ADCY9: variants seen among roughly 807,000 people sequenced by gnomAD.
ADCY9 encodes the protein adenylate cyclase 9.
A neutral mutation model predicts 101.5 loss-of-function variants in ADCY9; 50 were observed. The ratio of observed to expected loss-of-function variants is 0.49; its 90% CI spans 0.39 to 0.62. The LOEUF is 0.62. Among genes scored for constraint, ADCY9 ranks in the 20% least tolerant of loss-of-function variants. The pLI is 0.00. For synonymous variants in ADCY9, 905 were observed against 769.3 expected (o/e 1.18, Z -2.92); for missense variants, 1,662 against 1,800.4 (o/e 0.92, Z 1.39).
intron 2 of ADCY9, among the ~76,000 whole-genome samples, chr16:4,037,198 G>A (rs1393733080): frequency 6.6e-6 from 1 of 152,046 alleles, no homozygotes. Context: ...CATGCCTGTG[G>A]TCCCAACTAC....
chr16:4,047,300 G>C (rs1254135484), intron 2 of ADCY9, among the ~76,000 whole-genome samples: 1 of 150,040 alleles, frequency 6.7e-6, no homozygotes, highest in Admixed American at 6.6e-5. Context: ...AGAAAGAAAA[G>C]AGAGAAAGGA....
chr16:4,042,523 C>G (rs2056634501), intron 2 of ADCY9, among the ~76,000 whole-genome samples: 1 of 152,122 alleles, frequency 6.6e-6, no homozygotes, highest in South Asian at 2.1e-4. Flanking sequence ...CTAGCTAATT[C>G]TGTTAAAATA....
intron 2 of ADCY9, among the ~76,000 whole-genome samples, chr16:4,064,277 T>C (rs2056788334): frequency 6.6e-6 from 1 of 152,228 alleles, no homozygotes; most frequent in Admixed American, 6.5e-5. Context: ...GGTTCTTGGA[T>C]TGAAGGACTC....
chr16:4,102,784 C>T (rs1299843281), intron 2 of ADCY9, among the ~76,000 whole-genome samples: 1 of 151,692 alleles, frequency 6.6e-6, no homozygotes, highest in Non-Finnish European at 1.5e-5. Flanking sequence ...TGCAGTGGTG[C>T]CATCTCGGCT....
chr16:3,981,263 G>A (rs758631083), intron 7 of ADCY9, among the ~76,000 whole-genome samples: 2 of 152,210 alleles, frequency 1.3e-5, no homozygotes, highest in Non-Finnish European at 2.9e-5. Context: ...AGTCTACACC[G>A]GGGTTGCCCT....
At chr16:4,087,310 A>G (rs952757466) in intron 2 of ADCY9, among the ~76,000 whole-genome samples, 6 of 151,892 alleles carry the variant, frequency 4.0e-5, no homozygotes, top group Non-Finnish European at 7.4e-5. Context: ...TGAGGCAGGC[A>G]GACTGGTTGA....
intron 2 of ADCY9, among the ~76,000 whole-genome samples, chr16:4,056,340 C>G (rs373025728): frequency 6.6e-6 from 1 of 152,128 alleles, no homozygotes; most frequent in Non-Finnish European, 1.5e-5. Context: ...CTGTAACCTC[C>G]GCTCCCGGGC....
At chr16:4,064,078 G>C (rs1193748571) in intron 2 of ADCY9, among the ~76,000 whole-genome samples, 1 of 152,092 alleles carries the variant, frequency 6.6e-6, no homozygotes, top group African/African-American at 2.4e-5. Flanking sequence ...TAATAAGCAA[G>C]TTTAACATGT....
chr16:3,972,085 A>T (rs1250203725), intron 10 of ADCY9, among the ~76,000 whole-genome samples: 2 of 152,202 alleles, frequency 1.3e-5, no homozygotes, highest in South Asian at 2.1e-4. Flanking sequence ...CTCGCAACAG[A>T]AGGCATCTGT....
At chr16:3,998,791 A>G (rs1411597410) in intron 3 of ADCY9, among the ~76,000 whole-genome samples, 2 of 85,580 alleles carry the variant, frequency 2.3e-5, no homozygotes, top group East Asian at 4.6e-4. Flanking sequence ...AAGAAAAGAA[A>G]AGAAAAGAAA....
chr16:3,954,857 T>C (rs1039055046), intron 5 of ADCY9, among the ~76,000 whole-genome samples: 1 of 152,196 alleles, frequency 6.6e-6, no homozygotes, highest in South Asian at 2.1e-4. Flanking sequence ...CCAACTCTTT[T>C]GGAGTTTTGT....
chr16:4,095,943 C>T (rs994597604), intron 2 of ADCY9, among the ~76,000 whole-genome samples: 2 of 144,832 alleles, frequency 1.4e-5, no homozygotes, highest in Admixed American at 7.1e-5. Context: ...CGCCACTGCA[C>T]TCTACCCTGG....
intron 2 of ADCY9, among the ~76,000 whole-genome samples, chr16:4,054,504 G>A (rs1395263489): frequency 3.3e-5 from 5 of 152,000 alleles, no homozygotes; most frequent in African/African-American, 1.2e-4. Flanking sequence ...AAACCTTCTT[G>A]CTGGAGGTAT....
chr16:3,975,399 G>C (rs537118069), intron 9 of ADCY9, among the ~76,000 whole-genome samples: 1 of 152,070 alleles, frequency 6.6e-6, no homozygotes, highest in African/African-American at 2.4e-5. Context: ...TTTGTATTGT[G>C]ATTCTTTTCT....
At position 4,098,824 on chromosome 16, in the gene ADCY9, G is replaced by A. The variant is rs916444086; in HGVS notation, c.1693+14926C>T. ...AGAGTTGGGCCTTCTAGAACATTCC[G>A]CAGCTGTCCTGGGGGATGGAGTTTG... On this transcript the variant is annotated intron_variant, in intron 2 of 10. Transcript: ENST00000294016. 1.1e-4 allele frequency among the ~76,000 whole-genome samples: 16 copies of A among 152,098 alleles called. No individual in the cohort carries two copies. The East Asian group carries it at 1.9e-3, about 18-fold the overall frequency.
At chr16:4,074,622 C>T (rs1479096462) in intron 2 of ADCY9, among the ~76,000 whole-genome samples, 2 of 147,240 alleles carry the variant, frequency 1.4e-5, no homozygotes, top group East Asian at 2.1e-4. Context: ...GCGACAGAGG[C>T]GGGTGGGTCG....
intron 2 of ADCY9, among the ~76,000 whole-genome samples, chr16:4,072,368 G>A (rs554943957): frequency 7.2e-5 from 11 of 152,280 alleles, no homozygotes; most frequent in African/African-American, 1.9e-4. Flanking sequence ...GCTGTTCCTC[G>A]TGTAAGACCA....
At chr16:4,035,455 G>A (rs534446936) in intron 2 of ADCY9, among the ~76,000 whole-genome samples, 1 of 152,262 alleles carries the variant, frequency 6.6e-6, no homozygotes, top group East Asian at 1.9e-4. Context: ...TTGCCATACA[G>A]AGTGATTATG....
At chr16:4,038,701 C>T (rs973000776) in intron 2 of ADCY9, among the ~76,000 whole-genome samples, 1 of 151,956 alleles carries the variant, frequency 6.6e-6, no homozygotes, top group African/African-American at 2.4e-5. Context: ...CTGTTTCTCT[C>T]CTCTCTTCTC....
Sources: allele counts gnomAD v4.1 joint callset (sites outside exome capture counted in the v4.1 genomes callset), GRCh38; gene constraint gnomAD v4.1.1; transcripts MANE v1.5; gene names NCBI Gene and HGNC (gene_info 2026-07-23, HGNC 2026-07-21).